Variants in GSAP observed in about 807,000 individuals in gnomAD.
GSAP encodes the protein gamma-secretase-activating protein.
A neutral mutation model predicts 131.7 loss-of-function variants in GSAP; 118 were observed. That is an observed-to-expected ratio of 0.90 (90% CI 0.77 to 1.04). GSAP has a LOEUF of 1.04. Among genes scored for constraint, GSAP ranks in the 50% least tolerant of loss-of-function variants. The pLI is 0.00. For synonymous variants in GSAP, 381 were observed against 363.4 expected (o/e 1.05, Z -0.55); for missense variants, 1,019 against 1,013.2 (o/e 1.01, Z -0.08).
chr7:77,388,083 G>T (rs940377148), intron 5 of GSAP, among the ~76,000 whole-genome samples: 1 of 152,214 alleles, frequency 6.6e-6, no homozygotes, highest in Non-Finnish European at 1.5e-5. Flanking sequence ...GGGAAAAAAA[G>T]GTGATTTTCT....
At chr7:77,411,098 T>TAAAAAAAAAAAAAAAA (rs57255266) in intron 1 of GSAP, among the ~76,000 whole-genome samples, 3 of 108,866 alleles carry the variant, frequency 2.8e-5, no homozygotes, top group Non-Finnish European at 3.7e-5. Context: ...AAGAAAATAG[T>TAAAAAAAAAAAAAAAA]AAAAAAAAAA....
intron 5 of GSAP, among the ~76,000 whole-genome samples, chr7:77,389,470 T>TCC (rs2151084970): frequency 6.7e-6 from 1 of 150,288 alleles, no homozygotes; most frequent in South Asian, 2.2e-4. Context: ...TGTGTAATGT[T>TCC]CCCCTTCCTA....
At chr7:77,388,279 CTG>C (rs1798881007) in intron 5 of GSAP, among the ~76,000 whole-genome samples, 1 of 152,242 alleles carries the variant, frequency 6.6e-6, no homozygotes, top group African/African-American at 2.4e-5. Context: ...GTGCGATTCT[CTG>C]TCACTCCAAT....
chr7:77,352,835 A>C (rs1793083425), intron 18 of GSAP, 109 bp downstream of exon 18: 1 of 643,028 alleles, frequency 1.6e-6, no homozygotes, highest in Non-Finnish European at 2.7e-6. Flanking sequence ...TTATCAGTCA[A>C]AACAGTAGTG....
intron 18 of GSAP, among the ~76,000 whole-genome samples, chr7:77,352,703 G>A (rs1022792647): frequency 3.9e-5 from 6 of 152,120 alleles, no homozygotes; most frequent in African/African-American, 1.4e-4. Flanking sequence ...CCTGGTAATA[G>A]GAAGAATAAT....
chr7:77,411,308 G>A lies in GSAP; in HGVS notation c.109+4905C>T, dbSNP rs563436565. Among the ~76,000 whole-genome samples the A allele has an allele frequency of 1.3e-4, 20 of 152,178 alleles. No homozygotes were observed. In the East Asian group the frequency reaches 3.9e-3, roughly 29 times the overall value. ...CATAAATCCAAGACTAATAAAAGCA[G>A]GCAAGAAAATCTACATCCTTTCCAG... On this transcript the variant is annotated intron_variant, in intron 1 of 30. Coordinates refer to ENST00000257626, the MANE Select transcript of GSAP (RefSeq NM_017439.4).
Position 77,377,378 on chromosome 7 carries a change from A to G in GSAP, c.589T>C (p.Ser197Pro), listed in dbSNP as rs748750858. 2.6e-6 allele frequency: 4 copies of G among 1,565,258 alleles called. No individual in the cohort carries two copies. In the East Asian group the frequency reaches 9.1e-5, roughly 36 times the overall value. Residue 197 changes from serine (S) to proline (P), a missense_variant, in exon 9 of 31, where the codon TCT (serine) becomes CCT (proline). Transcript: ENST00000257626. ...ATTCTGTCTCTTGGGAGATGGCCAG[A>G]ATTTTTAATCACCTAAAAATGCAAA... ...EDGNRVVIKNSGHLPRDRIAE... is the reference protein window; with the variant it reads ...EDGNRVVIKNPGHLPRDRIAE...
At position 77,314,407 on chromosome 7, in the gene GSAP, C is replaced by T. The variant is rs754412857; in HGVS notation, c.2172G>A (p.Leu724=). 15 of 1,613,720 alleles carry T rather than the reference C, an allele frequency of 9.3e-6. No individual in the cohort carries two copies. The highest frequency in any genetic ancestry group is 1.3e-5 in the Non-Finnish European group (15 of 1,179,752). Residue 724 remains leucine (L), a synonymous_variant, in exon 27 of 31, where the codon TTG becomes TTA. Transcript: ENST00000257626. ...TTATGACAGCTGTTTCAGTGAGAAGCAACACTCCACTGTCAATGCAATGCA... is the reference window on the plus strand; with the variant it reads ...TTATGACAGCTGTTTCAGTGAGAAGTAACACTCCACTGTCAATGCAATGCA... ...NLLHCIDSGV[L]LLTETAVIRL... is the part of the protein sequence containing the mutation.
intron 12 of GSAP, among the ~76,000 whole-genome samples, chr7:77,367,093 G>A (rs1795436595): frequency 6.6e-6 from 1 of 152,222 alleles, no homozygotes. Context: ...AAAGTTTGCT[G>A]AAGTTGTTTA....
At chr7:77,347,124 T>G (rs1208414216) in intron 19 of GSAP, among the ~76,000 whole-genome samples, 1 of 152,066 alleles carries the variant, frequency 6.6e-6, no homozygotes, top group African/African-American at 2.4e-5. Context: ...AAAGAGGGCA[T>G]GGAAGCTCCA....
intron 5 of GSAP, among the ~76,000 whole-genome samples, chr7:77,392,678 C>T (rs144421825): frequency 3.9e-5 from 6 of 152,212 alleles, no homozygotes; most frequent in African/African-American, 1.2e-4. Context: ...ATGAGGAGAA[C>T]GGAGGTGAGC....
intron 19 of GSAP, among the ~76,000 whole-genome samples, chr7:77,344,247 A>G (rs577484686): frequency 6.6e-6 from 1 of 152,290 alleles, no homozygotes; most frequent in South Asian, 2.1e-4. Flanking sequence ...CTTGGTATTC[A>G]GTGGAACCTT....
intron 19 of GSAP, among the ~76,000 whole-genome samples, chr7:77,340,104 T>C (rs1790683676): frequency 6.6e-6 from 1 of 152,206 alleles, no homozygotes; most frequent in Non-Finnish European, 1.5e-5. Context: ...CCATCTTAAC[T>C]GAGCGATTAA....
intron 13 of GSAP, among the ~76,000 whole-genome samples, chr7:77,362,099 A>G (rs906612042): frequency 1.3e-5 from 2 of 152,210 alleles, no homozygotes; most frequent in Non-Finnish European, 2.9e-5. Context: ...ATAACTAGCT[A>G]ACTTGATACT....
intron 19 of GSAP, among the ~76,000 whole-genome samples, chr7:77,344,027 C>A (rs1791420548): frequency 6.6e-6 from 1 of 152,144 alleles, no homozygotes; most frequent in African/African-American, 2.4e-5. Flanking sequence ...TACTCACATG[C>A]CCGGAGTCAG....
intron 1 of GSAP, among the ~76,000 whole-genome samples, chr7:77,411,901 G>A (rs1017329422): frequency 1.3e-4 from 20 of 152,164 alleles, no homozygotes; most frequent in African/African-American, 3.4e-4. Flanking sequence ...TGTCATGGCC[G>A]GGCATGGTGG....
chr7:77,349,403 T>C lies in GSAP; in HGVS notation c.1493A>G (p.Glu498Gly). The C allele has an allele frequency of 6.2e-7, 1 of 1,612,444 alleles. No homozygotes were observed. The highest frequency in any genetic ancestry group is 8.5e-7 in the Non-Finnish European group (1 of 1,179,008). Reference sequence around the variant, plus strand: ...TGTCACAAGAGTTATTCCAGGAATTTCCTATAGTGGGGAAAAACACACACA... The same window carrying C: ...TGTCACAAGAGTTATTCCAGGAATTCCCTATAGTGGGGAAAAACACACACA... ...PHSSVLTWNTEIPGITLVTED... is the reference protein window; with the variant it reads ...PHSSVLTWNTGIPGITLVTED... The change falls in exon 19 of 31, where the codon GAA becomes GGA. Residue 498 changes from glutamate (E) to glycine (G), a missense_variant and splice_region_variant. Physicochemically the swap from Glu to Gly is moderately conservative, Grantham distance 98. Transcript: ENST00000257626.
intron 8 of GSAP, chr7:77,379,815 G>A (rs1245437574): frequency 9.3e-6 from 9 of 971,196 alleles, no homozygotes; most frequent in African/African-American, 1.8e-5. Flanking sequence ...GCCCCTGCGG[G>A]ACAATGGTAG....
chr7:77,372,238 T>C (rs951639874), intron 12 of GSAP, among the ~76,000 whole-genome samples: 12 of 152,212 alleles, frequency 7.9e-5, no homozygotes, highest in African/African-American at 2.9e-4. Flanking sequence ...CTTTTCAATA[T>C]GTCAATGAAA....
Sources: gnomAD v4.1 joint callset for allele counts (sites outside exome capture counted in the v4.1 genomes callset) on GRCh38, gnomAD v4.1.1 for gene constraint, MANE v1.5 for transcripts, NCBI Gene and HGNC (gene_info 2026-07-23, HGNC 2026-07-21) for gene names.